ADGRB3: variants seen among roughly 807,000 people sequenced by gnomAD.
ADGRB3 encodes the protein adhesion G protein-coupled receptor B3.
A neutral mutation model predicts 193.4 loss-of-function variants in ADGRB3; 37 were observed. The ratio of observed to expected loss-of-function variants is 0.19; its 90% CI spans 0.15 to 0.25. The LOEUF (loss-of-function observed/expected upper bound fraction) is 0.25. Among genes scored for constraint, ADGRB3 ranks in the 10% least tolerant of loss-of-function variants. ADGRB3 has a pLI of 1.00. For missense variants in ADGRB3, 1,637 were observed against 1,852.9 expected (o/e 0.88, Z 2.14); for synonymous variants, 690 against 644.2 (o/e 1.07, Z -1.08).
At chr6:69,276,402 TAAAC>T (rs967002829) in intron 20 of ADGRB3, among the ~76,000 whole-genome samples, 4 of 152,154 alleles carry the variant, frequency 2.6e-5, no homozygotes, top group Non-Finnish European at 4.4e-5. Flanking sequence ...AGGAAGCAAA[TAAAC>T]AACCTCTCAA....
intron 13 of ADGRB3, among the ~76,000 whole-genome samples, chr6:69,033,574 T>G (rs1282315431): frequency 6.6e-6 from 1 of 152,182 alleles, no homozygotes; most frequent in East Asian, 1.9e-4. Flanking sequence ...ACTTTAGAAA[T>G]ATAAATAATT....
intron 13 of ADGRB3, among the ~76,000 whole-genome samples, chr6:69,037,933 T>C (rs928230344): frequency 6.6e-6 from 1 of 152,172 alleles, no homozygotes; most frequent in Non-Finnish European, 1.5e-5. Flanking sequence ...TCTCATTTTG[T>C]TTATTTGTTC....
At chr6:68,693,018 C>G (rs1320775622) in intron 3 of ADGRB3, among the ~76,000 whole-genome samples, 1 of 151,198 alleles carries the variant, frequency 6.6e-6, no homozygotes, top group Non-Finnish European at 1.5e-5. Flanking sequence ...TAAAACTAAC[C>G]AATGAAATAC....
intron 3 of ADGRB3, among the ~76,000 whole-genome samples, chr6:68,845,764 T>C (rs984761318): frequency 1.3e-5 from 2 of 152,156 alleles, no homozygotes; most frequent in African/African-American, 4.8e-5. Context: ...ATTAAACTTC[T>C]TTTTGTTCCC....
intron 3 of ADGRB3, among the ~76,000 whole-genome samples, chr6:68,813,845 T>C (rs1562040665): frequency 6.6e-6 from 1 of 152,186 alleles, no homozygotes; most frequent in Non-Finnish European, 1.5e-5. Context: ...CTGAGAATGA[T>C]GGTTTCCAGC....
At chr6:68,841,728 A>T (rs1768162325) in intron 3 of ADGRB3, among the ~76,000 whole-genome samples, 1 of 152,128 alleles carries the variant, frequency 6.6e-6, no homozygotes, top group Admixed American at 6.6e-5. Context: ...CCAAACCCAG[A>T]ATTAATAGAA....
At chr6:69,266,881 A>C (rs1767054251) in intron 20 of ADGRB3, among the ~76,000 whole-genome samples, 1 of 152,082 alleles carries the variant, frequency 6.6e-6, no homozygotes, top group African/African-American at 2.4e-5. Context: ...AATTGTTTTG[A>C]AATGATTATC....
chr6:68,921,094 G>A (rs1411933277), intron 3 of ADGRB3, among the ~76,000 whole-genome samples: 1 of 151,856 alleles, frequency 6.6e-6, no homozygotes, highest in Non-Finnish European at 1.5e-5. Flanking sequence ...ATTAGGAAAA[G>A]GCAAAAAATA....
chr6:68,916,730 A>T (rs1766889027), intron 3 of ADGRB3, among the ~76,000 whole-genome samples: 1 of 152,230 alleles, frequency 6.6e-6, no homozygotes, highest in South Asian at 2.1e-4. Flanking sequence ...TTCAGTTGAA[A>T]AAAATCAATT....
At chr6:69,247,418 C>T (rs1056500303) in intron 20 of ADGRB3, among the ~76,000 whole-genome samples, 13 of 152,174 alleles carry the variant, frequency 8.5e-5, no homozygotes, top group Admixed American at 6.6e-5. Context: ...TCAGCATTCC[C>T]TTTCTGTTCC....
At chr6:69,277,166 T>A (rs1017929085) in intron 20 of ADGRB3, among the ~76,000 whole-genome samples, 2 of 151,954 alleles carry the variant, frequency 1.3e-5, no homozygotes, top group Non-Finnish European at 2.9e-5. Flanking sequence ...AGCTAATATT[T>A]GTATTTTTAG....
rs1769324223 is a variant in ADGRB3 at position 69,355,741 on chromosome 6, C to G, written c.3556-80C>G. On this transcript the variant is annotated intron_variant, in intron 27 of 31. Coordinates refer to ENST00000370598, the MANE Select transcript of ADGRB3 (RefSeq NM_001704.3). ...TACTGCCAAGTTAGATATCTGTAAA[C>G]TTCAGATAATCTGATTAGTAAAAGA... 3 of 1,142,546 alleles carry G rather than the reference C, an allele frequency of 2.6e-6. No individual in the cohort carries two copies. The Admixed American group carries it at 6.0e-5, about 23-fold the overall frequency. The allele number at this position is 1,142,546 out of a possible 1,614,324, so 70.8% of individuals were successfully genotyped here. A position where few individuals can be genotyped will look rare whatever the true frequency, so the allele number is the denominator to read the frequency against.
chr6:68,954,590 A>G (rs1356215920), intron 6 of ADGRB3, among the ~76,000 whole-genome samples: 1 of 152,102 alleles, frequency 6.6e-6, no homozygotes, highest in African/African-American at 2.4e-5. Flanking sequence ...ATCACAGCTC[A>G]GATCCTTCCC....
intron 3 of ADGRB3, among the ~76,000 whole-genome samples, chr6:68,868,188 G>A (rs1765357085): frequency 1.3e-5 from 2 of 152,132 alleles, no homozygotes; most frequent in African/African-American, 4.8e-5. Flanking sequence ...GGAAGTGACT[G>A]GATCATGGGG....
At position 69,354,344 on chromosome 6, in the gene ADGRB3, T is replaced by C. The variant is rs763003132; in HGVS notation, c.3555+16T>C. 1.3e-6 allele frequency: 2 copies of C among 1,580,106 alleles called. No homozygotes were observed. The highest frequency in any genetic ancestry group is 2.2e-5 in the East Asian group (1 of 44,732). On this transcript the variant is annotated intron_variant, in intron 27 of 31. Coordinates refer to ENST00000370598, the MANE Select transcript of ADGRB3 (RefSeq NM_001704.3). The stretch of plus-strand genomic sequence containing the variant: ...TCAAATCATGGTGAGTTTTTATTTT[T>C]CCCCGATTGTTAATTAACTCATGAT...
At chr6:69,385,836 T>A (rs1770058258) in intron 31 of ADGRB3, among the ~76,000 whole-genome samples, 3 of 152,032 alleles carry the variant, frequency 2.0e-5, no homozygotes, top group Admixed American at 2.0e-4. Flanking sequence ...AATATTACAC[T>A]TTTCAGTATG....
At chr6:68,822,603 A>G (rs770152900) in intron 3 of ADGRB3, among the ~76,000 whole-genome samples, 1 of 151,970 alleles carries the variant, frequency 6.6e-6, no homozygotes, top group African/African-American at 2.4e-5. Flanking sequence ...GCTACCATTC[A>G]AGGTCCACCT....
At chr6:68,811,770 G>A (rs1347794129) in intron 3 of ADGRB3, among the ~76,000 whole-genome samples, 1 of 152,048 alleles carries the variant, frequency 6.6e-6, no homozygotes, top group Admixed American at 6.6e-5. Context: ...GTGACCAGCC[G>A]AGGTGGATGA....
intron 3 of ADGRB3, among the ~76,000 whole-genome samples, chr6:68,838,142 T>A (rs1250389785): frequency 6.6e-6 from 1 of 152,152 alleles, no homozygotes; most frequent in Non-Finnish European, 1.5e-5. Context: ...GATGACAGAA[T>A]CTAGCTTCAG....
Sources: allele counts gnomAD v4.1 joint callset (sites outside exome capture counted in the v4.1 genomes callset), GRCh38; gene constraint gnomAD v4.1.1; transcripts MANE v1.5; gene names NCBI Gene and HGNC (gene_info 2026-07-23, HGNC 2026-07-21).